NPHP1: variants seen among roughly 807,000 people sequenced by gnomAD.
NPHP1 encodes the protein nephrocystin 1, also known as nephrocystin-1.
In NPHP1, 70 loss-of-function variants were observed where a neutral mutation model predicts 90.4. The observed-to-expected ratio is 0.77, with a 90% confidence interval of 0.64 to 0.95. The LOEUF is 0.95. NPHP1 is among the 40% of genes least tolerant of loss of function. The pLI is 0.00. For synonymous variants in NPHP1, 256 were observed against 271.7 expected, an observed-to-expected ratio of 0.94 and a Z score of 0.57; for missense variants, 764 against 795.9, an observed-to-expected ratio of 0.96 and a Z score of 0.48.
intron 2 of NPHP1, among the ~76,000 whole-genome samples, chr2:110,188,371 A>G (rs1684441718): frequency 6.6e-6 from 1 of 152,140 alleles, no homozygotes; most frequent in Non-Finnish European, 1.5e-5. Flanking sequence ...TATACCAACA[A>G]CAGGCAGGCA....
Position 110,176,558 on chromosome 2 carries a change from T to C in NPHP1, c.329+1865A>G, listed in dbSNP as rs1428018104. Reference sequence around the variant, plus strand: ...CACATTACATGACTCACTTACAGACTTTGGATTATGTTATATTCCTCTAAG... The same window carrying C: ...CACATTACATGACTCACTTACAGACCTTGGATTATGTTATATTCCTCTAAG... On this transcript the variant is annotated intron_variant, in intron 4 of 19. Coordinates refer to ENST00000445609, the MANE Select transcript of NPHP1 (RefSeq NM_001128178.3). Among the ~76,000 whole-genome samples the C allele has an allele frequency of 2.6e-5, 4 of 152,306 alleles. No individual in the cohort carries two copies. The East Asian group carries it at 7.7e-4, about 29-fold the overall frequency.
chr2:110,161,495 T>C (rs925946896), intron 10 of NPHP1, 108 bp downstream of exon 10: 71 of 719,472 alleles, frequency 9.9e-5, no homozygotes, highest in Non-Finnish European at 1.5e-4. Context: ...TCATAAACAA[T>C]TTTTTTGTTT....
At chr2:110,178,316 G>T in intron 4 of NPHP1, 107 bp downstream of exon 4, 2 of 1,046,834 alleles carry the variant, frequency 1.9e-6, no homozygotes, top group Non-Finnish European at 2.9e-6. Context: ...TCTATTGTTA[G>T]TGTCATTTGT....
At position 110,143,547 on chromosome 2, in the gene NPHP1, T is replaced by C. The variant is rs146220435; in HGVS notation, c.1524A>G (p.Val508=). 271 of 1,609,266 alleles carry C rather than the reference T, an allele frequency of 1.7e-4. 1 individual carries two copies. The highest frequency in any genetic ancestry group is 2.5e-4 in the East Asian group (11 of 44,850). Residue 508 remains valine, a synonymous_variant, in exon 16 of 20, where the codon GTA becomes GTG. Coordinates refer to ENST00000445609, the MANE Select transcript of NPHP1 (RefSeq NM_001128178.3). ...LRSLNRRSRN[V]LSLLPETLIG... ...AGGTAAAAGCAGGTACCCACCTTAG[T>C]ACATTTCTTGATCTTCTGTTCAAGG...
Position 110,204,749 on chromosome 2 carries a change from T to A in NPHP1, c.69+151A>T, listed in dbSNP as rs1453440799. ...TGAATCGGGGTTGGGTGCTGGAATG[T>A]TATGGGGTAAGGGGGCGTTACAACC... is the stretch of plus-strand genomic sequence containing the variant. On this transcript the variant is annotated intron_variant, in intron 1 of 19. Coordinates refer to ENST00000445609, the MANE Select transcript of NPHP1 (RefSeq NM_001128178.3). 3 of 761,576 alleles carry A rather than the reference T, an allele frequency of 3.9e-6. No individual in the cohort carries two copies. The African/African-American group carries it at 5.2e-5, about 13-fold the overall frequency. 47.2% of individuals were successfully genotyped at this position (761,576 alleles called of 1,614,324 possible).
At chr2:110,147,087 C>G (rs1681109274) in intron 13 of NPHP1, among the ~76,000 whole-genome samples, 1 of 152,164 alleles carries the variant, frequency 6.6e-6, no homozygotes, top group South Asian at 2.1e-4. Flanking sequence ...GATGTGGCAA[C>G]TGCTGCCATT....
chr2:110,184,106 A>C (rs1368542986), intron 2 of NPHP1: 6 of 544,614 alleles, frequency 1.1e-5, no homozygotes, highest in African/African-American at 1.9e-5. Context: ...TCGACAATGA[A>C]TCTGGTGTGA....
intron 11 of NPHP1, 29 bp downstream of exon 11, chr2:110,160,098 T>C (rs1361134717): frequency 2.5e-6 from 4 of 1,605,298 alleles, no homozygotes; most frequent in South Asian, 1.1e-5. Context: ...AATCCTAGTA[T>C]GAATTGATTT....
chr2:110,203,508 A>G (rs2104722593), intron 1 of NPHP1, among the ~76,000 whole-genome samples: 1 of 152,280 alleles, frequency 6.6e-6, no homozygotes, highest in African/African-American at 2.4e-5. Context: ...TTTTATTTCT[A>G]CCAGAAGAGT....
chr2:110,162,285 T>A (rs1240960898), intron 9 of NPHP1, among the ~76,000 whole-genome samples: 1 of 151,932 alleles, frequency 6.6e-6, no homozygotes, highest in Non-Finnish European at 1.5e-5. Context: ...ATAAATAAAA[T>A]AATTATTAGG....
intron 12 of NPHP1, among the ~76,000 whole-genome samples, 176 bp from the exon 13 acceptor site, chr2:110,148,202 C>T (rs941866954): frequency 3.9e-5 from 6 of 152,086 alleles, no homozygotes; most frequent in African/African-American, 7.2e-5. Flanking sequence ...TGGTTTGGTA[C>T]TGTCCTCACC....
At chr2:110,138,819 C>T (rs1307468456) in intron 16 of NPHP1, among the ~76,000 whole-genome samples, 1 of 152,056 alleles carries the variant, frequency 6.6e-6, no homozygotes, top group African/African-American at 2.4e-5. Flanking sequence ...CTCCTTTTCT[C>T]GTAGACCTGC....
At chr2:110,157,028 G>T (rs1681950174) in intron 11 of NPHP1, among the ~76,000 whole-genome samples, 1 of 152,056 alleles carries the variant, frequency 6.6e-6, no homozygotes. Flanking sequence ...GCCCGCCTCG[G>T]CCTCCCAAAG....
At chr2:110,180,537 G>A (rs1187442849) in intron 2 of NPHP1, among the ~76,000 whole-genome samples, 2 of 148,928 alleles carry the variant, frequency 1.3e-5, no homozygotes, top group Non-Finnish European at 3.0e-5. Flanking sequence ...ATCCAAGATG[G>A]CCAATTAGAA....
At chr2:110,160,066 A>T in intron 11 of NPHP1, 61 bp downstream of exon 11, 1 of 1,563,034 alleles carries the variant, frequency 6.4e-7, no homozygotes, top group Non-Finnish European at 8.8e-7. Flanking sequence ...ATGGAAAAGA[A>T]TCTAAGGGAA....
intron 11 of NPHP1, among the ~76,000 whole-genome samples, chr2:110,155,741 A>T (rs1681842987): frequency 6.6e-6 from 1 of 152,098 alleles, no homozygotes; most frequent in Admixed American, 6.5e-5. Context: ...CATTTACCCA[A>T]TGCCTGTACC....
chr2:110,144,124 A>G (rs1267551182), intron 15 of NPHP1: 2 of 325,572 alleles, frequency 6.1e-6, no homozygotes, highest in South Asian at 3.1e-5. Flanking sequence ...TGAACATAGT[A>G]AAAGATGCTC....
chr2:110,189,390 C>T (rs374209997), intron 2 of NPHP1, among the ~76,000 whole-genome samples: 11 of 152,138 alleles, frequency 7.2e-5, no homozygotes, highest in Admixed American at 3.9e-4. Flanking sequence ...CAGACCTTCA[C>T]GGTGAGTGTT....
Position 110,123,659 on chromosome 2 carries a change from T to C in NPHP1, c.*132A>G. On this transcript the variant is annotated 3_prime_UTR_variant, in exon 20 of 20. Transcript: ENST00000445609. ...TTGTATAAACATTTCTTTAAAAATA[T>C]GGTCTGTAGAAAGAAAAGAGTAAAA... 2 of 799,260 alleles carry C rather than the reference T, an allele frequency of 2.5e-6. No homozygotes were observed. Among genetic ancestry groups the C allele is most frequent in the Non-Finnish European group, 2.0e-6 (1 of 488,690 alleles). The allele number at this position is 799,260 out of a possible 1,614,324, so 49.5% of individuals were successfully genotyped here. A position where few individuals can be genotyped will look rare whatever the true frequency, so the allele number is the denominator to read the frequency against.
Sources: allele counts gnomAD v4.1 joint callset (sites outside exome capture counted in the v4.1 genomes callset), GRCh38; gene constraint gnomAD v4.1.1; transcripts MANE v1.5; gene names NCBI Gene and HGNC (gene_info 2026-07-23, HGNC 2026-07-21).